KIRREL3: variants seen among roughly 807,000 people sequenced by gnomAD.
KIRREL3 encodes the protein kirre like nephrin family adhesion molecule 3.
In KIRREL3, 36 loss-of-function variants were observed where a neutral mutation model predicts 89.7. The observed-to-expected ratio is 0.40, with a 90% CI of 0.31 to 0.53. KIRREL3 has a LOEUF of 0.53. Ranked by LOEUF, KIRREL3 falls within the 20% of genes least tolerant of loss-of-function variation. The probability of loss-of-function intolerance (pLI) is 0.49; values close to 1 mark genes in which losing one functional copy is unlikely to be tolerated. For synonymous variants in KIRREL3, 445 were observed against 441.4 expected (o/e 1.01, Z -0.10); for missense variants, 864 against 1,056.6 (o/e 0.82, Z 2.53).
chr11:126,925,250 C>T (rs984646396), intron 1 of KIRREL3, among the ~76,000 whole-genome samples: 4 of 152,114 alleles, frequency 2.6e-5, no homozygotes, highest in South Asian at 2.1e-4. Context: ...CTGTTGGTGC[C>T]GTGGGATCTA....
intron 1 of KIRREL3, among the ~76,000 whole-genome samples, chr11:126,957,214 C>T (rs534691934): frequency 5.7e-4 from 87 of 152,196 alleles, no homozygotes; most frequent in Non-Finnish European, 1.1e-3. Flanking sequence ...GCTCATCTTT[C>T]TTCTTCCTCT....
chr11:126,946,946 A>G lies in KIRREL3; in HGVS notation c.55+53509T>C, dbSNP rs1948635396. ...TGTGCAGGCATTGAGTGGTTAAATA[A>G]CTTCCTAGGCACACTGCTTGCAAAT... On this transcript the variant is annotated intron_variant, in intron 1 of 16. Coordinates refer to ENST00000525144, the MANE Select transcript of KIRREL3 (RefSeq NM_032531.4). The surrounding 1 kb of genome is among the most constrained non-coding windows in gnomAD (Gnocchi z 4.1). Among the ~76,000 whole-genome samples, 1 of 152,176 alleles carries G rather than the reference A, an allele frequency of 6.6e-6. No individual in the cohort carries two copies. Among genetic ancestry groups the G allele is most frequent in the African/African-American group, 2.4e-5 (1 of 41,458 alleles).
rs987600653 is a variant in KIRREL3, at chr11:126,501,607, A to T, written c.433+19708T>A. 2.0e-5 allele frequency among the ~76,000 whole-genome samples: 3 copies of T among 152,216 alleles called. No homozygotes were observed. The highest frequency in any genetic ancestry group is 7.2e-5 in the African/African-American group (3 of 41,454). On this transcript the variant is annotated intron_variant, in intron 4 of 16. Transcript: ENST00000525144. The surrounding 1 kb of genome is among the most constrained non-coding windows in gnomAD (Gnocchi z 5.8). ...AGTTCTGGGCTCTTTAAAATAGGGC[A>T]GTTATTAGCAGGGAAGGAACACACT...
chr11:126,752,914 A>C lies in KIRREL3; in HGVS notation c.56-190002T>G, dbSNP rs1376324624. On this transcript the variant is annotated intron_variant, in intron 1 of 16. Transcript: ENST00000525144. This position sits in a 1 kb window ranked among gnomAD's most constrained non-coding sequence, Gnocchi z 4.8. ...GCCCTTTGTTGAAGGAAGTGGTAGC[A>C]GGCTGCCATGAACCCAGTTTTCTGA... Among the ~76,000 whole-genome samples, 1 of 152,210 alleles carries C rather than the reference A, an allele frequency of 6.6e-6. No individual in the cohort carries two copies. The highest frequency in any genetic ancestry group is 1.5e-5 in the Non-Finnish European group (1 of 68,030).
rs1266485873 is a variant in KIRREL3 at position 126,609,629 on chromosome 11, C to A, written c.56-46717G>T. On this transcript the variant is annotated intron_variant, in intron 1 of 16. Transcript: ENST00000525144. This position sits in a 1 kb window ranked among gnomAD's most constrained non-coding sequence, Gnocchi z 5.0. Reference sequence around the variant, plus strand: ...CGATGCATGCTCACTTGTATAAAATCTAACTGGAACTGGGATCGTGTTCTG... The same window carrying A: ...CGATGCATGCTCACTTGTATAAAATATAACTGGAACTGGGATCGTGTTCTG... Among the ~76,000 whole-genome samples the A allele has an allele frequency of 6.6e-6, 1 of 152,134 alleles. No homozygotes were observed. Among genetic ancestry groups the A allele is most frequent in the African/African-American group, 2.4e-5 (1 of 41,400 alleles).
intron 1 of KIRREL3, among the ~76,000 whole-genome samples, chr11:126,775,561 C>T (rs766812339): frequency 2.0e-5 from 3 of 152,106 alleles, no homozygotes; most frequent in Non-Finnish European, 4.4e-5. Context: ...CTAAATGAGT[C>T]TGAACAGCCC....
At chr11:126,925,949 T>C (rs1268946118) in intron 1 of KIRREL3, among the ~76,000 whole-genome samples, 1 of 152,226 alleles carries the variant, frequency 6.6e-6, no homozygotes, top group Non-Finnish European at 1.5e-5. Flanking sequence ...GAGACATCTG[T>C]GTCCTATCCA....
chr11:126,918,084 T>C lies in KIRREL3; in HGVS notation c.55+82371A>G, dbSNP rs1015301169. On this transcript the variant is annotated intron_variant, in intron 1 of 16. Transcript: ENST00000525144. The surrounding 1 kb of genome is among the most constrained non-coding windows in gnomAD (Gnocchi z 6.5). The stretch of plus-strand genomic sequence containing the variant: ...TCAGAAATACGAGATTGGCCCATAA[T>C]GATATGCATGCCTCTCAGAGGGAAG... 6.6e-6 allele frequency among the ~76,000 whole-genome samples: 1 copy of C among 152,142 alleles called. No homozygotes were observed. Among genetic ancestry groups the C allele is most frequent in the African/African-American group, 2.4e-5 (1 of 41,430 alleles).
At position 126,558,872 on chromosome 11, in the gene KIRREL3, G is replaced by A. The variant is rs1939898013; in HGVS notation, c.133+3963C>T. ...CATGTGTATACATGTGTGCAGGTGT[G>A]TGCATGCATGTGTGCATGTATACAT... On this transcript the variant is annotated intron_variant, in intron 2 of 16. Coordinates refer to ENST00000525144, the MANE Select transcript of KIRREL3 (RefSeq NM_032531.4). The surrounding 1 kb of genome is among the most constrained non-coding windows in gnomAD (Gnocchi z 4.0). 6.6e-6 allele frequency among the ~76,000 whole-genome samples: 1 copy of A among 150,914 alleles called. No homozygotes were observed. The highest frequency in any genetic ancestry group is 2.1e-4 in the South Asian group (1 of 4,730).
intron 1 of KIRREL3, among the ~76,000 whole-genome samples, chr11:126,848,416 C>G (rs1340228340): frequency 6.6e-6 from 1 of 152,094 alleles, no homozygotes; most frequent in Non-Finnish European, 1.5e-5. Flanking sequence ...AAATTCCAGT[C>G]TCATCAGTTG....
At chr11:127,001,687 C>A (rs1342651843), upstream of KIRREL3, among the ~76,000 whole-genome samples, 1 of 152,034 alleles carries the variant, frequency 6.6e-6, no homozygotes, top group Non-Finnish European at 1.5e-5. Flanking sequence ...TCCAGGATAT[C>A]AACATGAATT....
At chr11:126,452,790 C>A (rs1046459945) in intron 7 of KIRREL3, among the ~76,000 whole-genome samples, 1 of 152,182 alleles carries the variant, frequency 6.6e-6, no homozygotes. Context: ...GAGCCCAAGC[C>A]AGGTCTTTTG....
chr11:126,756,137 C>T (rs1289448676), intron 1 of KIRREL3, among the ~76,000 whole-genome samples: 1 of 152,114 alleles, frequency 6.6e-6, no homozygotes, highest in Non-Finnish European at 1.5e-5. Flanking sequence ...TTAATATATA[C>T]ATATTTATAA....
chr11:126,493,265 T>C (rs1010971876), intron 4 of KIRREL3, among the ~76,000 whole-genome samples: 9 of 152,114 alleles, frequency 5.9e-5, no homozygotes, highest in Admixed American at 5.2e-4. Context: ...CTCATGCCTG[T>C]AATCCTAGCA....
At position 126,490,652 on chromosome 11, in the gene KIRREL3, A is replaced by C. The variant is rs1957486876; in HGVS notation, c.434-17186T>G. On this transcript the variant is annotated intron_variant, in intron 4 of 16. Coordinates refer to ENST00000525144, the MANE Select transcript of KIRREL3 (RefSeq NM_032531.4). This position sits in a 1 kb window ranked among gnomAD's most constrained non-coding sequence, Gnocchi z 4.2. Reference sequence around the variant, plus strand: ...TTCGTCATAAAATAAGAGGGATAATAATTCTGTGAAGGTTAGGAGAAGTTC... The same window carrying C: ...TTCGTCATAAAATAAGAGGGATAATCATTCTGTGAAGGTTAGGAGAAGTTC... 6.6e-6 allele frequency among the ~76,000 whole-genome samples: 1 copy of C among 152,166 alleles called. No homozygotes were observed. Among genetic ancestry groups the C allele is most frequent in the Non-Finnish European group, 1.5e-5 (1 of 68,034 alleles).
intron 1 of KIRREL3, among the ~76,000 whole-genome samples, chr11:126,693,298 G>A (rs770175462): frequency 6.6e-6 from 1 of 152,206 alleles, no homozygotes; most frequent in Non-Finnish European, 1.5e-5. Flanking sequence ...GCGCGCACCT[G>A]TAATCCCAGC....
At chr11:126,720,181 G>A (rs1948116966) in intron 1 of KIRREL3, among the ~76,000 whole-genome samples, 1 of 152,218 alleles carries the variant, frequency 6.6e-6, no homozygotes, top group African/African-American at 2.4e-5. Flanking sequence ...GCTCCCACTT[G>A]AATGTAAACT....
At chr11:126,986,949 C>G (rs180895234) in intron 1 of KIRREL3, among the ~76,000 whole-genome samples, 15 of 152,220 alleles carry the variant, frequency 9.9e-5, no homozygotes, top group African/African-American at 3.6e-4. Context: ...GCTGAGCAGG[C>G]CTCAGGAGCA....
chr11:126,971,246 A>G (rs1273663849), intron 1 of KIRREL3, among the ~76,000 whole-genome samples: 2 of 152,186 alleles, frequency 1.3e-5, no homozygotes, highest in African/African-American at 4.8e-5. Flanking sequence ...AAAATCATCA[A>G]GGTATGCTTC....
Sources: allele counts gnomAD v4.1 joint callset (sites outside exome capture counted in the v4.1 genomes callset), GRCh38; gene constraint gnomAD v4.1.1; non-coding constraint Gnocchi (gnomAD v3.1); transcripts MANE v1.5; gene names NCBI Gene and HGNC (gene_info 2026-07-23, HGNC 2026-07-21).